Variants in PLCB4 observed in about 807,000 individuals in gnomAD.
The protein encoded by PLCB4 is 1-phosphatidylinositol 4,5-bisphosphate phosphodiesterase beta-4.
Under a neutral mutation model 178.8 loss-of-function variants are expected in PLCB4, and 77 were observed. The ratio of observed to expected loss-of-function variants is 0.43; its 90% confidence interval spans 0.36 to 0.52. The LOEUF is 0.52. PLCB4 is among the 20% of genes least tolerant of loss of function. The pLI is 0.00. For missense variants in PLCB4, 1,024 were observed against 1,453.4 expected, an observed-to-expected ratio of 0.70 and a Z score of 4.80; for synonymous variants, 496 against 490.8, an observed-to-expected ratio of 1.01 and a Z score of -0.14.
chr20:9,132,003 T>G (rs927268114), intron 2 of PLCB4, among the ~76,000 whole-genome samples: 1 of 152,174 alleles, frequency 6.6e-6, no homozygotes, highest in Non-Finnish European at 1.5e-5. Flanking sequence ...CCCAACTGAC[T>G]GCAGTCTATT....
rs1206653289 is a variant in PLCB4, at chr20:9,337,164, G to A, written c.123G>A (p.Val41=). 5.0e-6 allele frequency: 8 copies of A among 1,613,228 alleles called. No homozygotes were observed. The highest frequency in any genetic ancestry group is 5.1e-6 in the Non-Finnish European group (6 of 1,179,464). Residue 41 remains valine, a synonymous_variant, in exon 5 of 40, where the codon GTG becomes GTA. Coordinates refer to ENST00000378473, the MANE Select transcript of PLCB4 (RefSeq NM_001377142.1). ...FVFEPNCLFK[V]DEFGFFLTWR... is the part of the protein sequence containing the mutation. Reference sequence around the variant, plus strand: ...TTGAACCCAACTGCCTCTTCAAAGTGGATGAGTTTGGCTTCTTTCTGACAT... The same window carrying A: ...TTGAACCCAACTGCCTCTTCAAAGTAGATGAGTTTGGCTTCTTTCTGACAT...
intron 7 of PLCB4, among the ~76,000 whole-genome samples, chr20:9,343,001 T>C (rs112217330): frequency 5.3e-5 from 8 of 152,242 alleles, no homozygotes; most frequent in East Asian, 1.9e-4. Context: ...ATGGTAGACA[T>C]GTAAGGTGAG....
At chr20:9,169,200 C>T (rs1225425214) in intron 2 of PLCB4, among the ~76,000 whole-genome samples, 1 of 152,140 alleles carries the variant, frequency 6.6e-6, no homozygotes, top group Non-Finnish European at 1.5e-5. Flanking sequence ...CTGCTTCCTT[C>T]CTCTCACTTA....
intron 2 of PLCB4, among the ~76,000 whole-genome samples, chr20:9,174,787 T>C (rs1259191183): frequency 6.6e-6 from 1 of 152,170 alleles, no homozygotes; most frequent in Non-Finnish European, 1.5e-5. Context: ...CAGCAGAACA[T>C]AGTGTAATAT....
chr20:9,245,642 C>G (rs1173659988), intron 3 of PLCB4, among the ~76,000 whole-genome samples: 1 of 152,042 alleles, frequency 6.6e-6, no homozygotes, highest in Admixed American at 6.5e-5. Flanking sequence ...GAAATGGAGT[C>G]TCCCCCTAGA....
intron 4 of PLCB4, among the ~76,000 whole-genome samples, chr20:9,331,784 A>G (rs1468584075): frequency 6.6e-6 from 1 of 152,190 alleles, no homozygotes; most frequent in Non-Finnish European, 1.5e-5. Context: ...AACATACTCT[A>G]TCTTTGATAA....
intron 2 of PLCB4, among the ~76,000 whole-genome samples, chr20:9,201,167 T>C (rs2093539663): frequency 1.3e-5 from 2 of 152,220 alleles, no homozygotes; most frequent in African/African-American, 4.8e-5. Flanking sequence ...AGATCATTAT[T>C]ATGCAATTAT....
intron 2 of PLCB4, among the ~76,000 whole-genome samples, chr20:9,135,912 G>T (rs1271023033): frequency 6.6e-6 from 1 of 151,998 alleles, no homozygotes; most frequent in African/African-American, 2.4e-5. Flanking sequence ...TTTTAGGTTG[G>T]ACAAGAAACT....
intron 25 of PLCB4, among the ~76,000 whole-genome samples, chr20:9,414,315 A>G (rs1215633595): frequency 2.0e-5 from 3 of 152,180 alleles, no homozygotes; most frequent in Non-Finnish European, 4.4e-5. Flanking sequence ...GTGACAGGGA[A>G]AAGAGAAGAA....
intron 36 of PLCB4, among the ~76,000 whole-genome samples, chr20:9,470,418 T>G (rs776343754): frequency 2.4e-4 from 37 of 152,120 alleles, no homozygotes; most frequent in Non-Finnish European, 5.0e-4. Flanking sequence ...TACATGGAAA[T>G]GACACCTTCT....
intron 22 of PLCB4, 51 bp from the exon 23 acceptor site, chr20:9,408,582 T>G: frequency 1.2e-6 from 1 of 857,894 alleles, no homozygotes; most frequent in Non-Finnish European, 2.0e-6. Context: ...TGTTTTTCGG[T>G]GAGGGTTTGA....
At chr20:9,314,335 G>A (rs536632783) in intron 4 of PLCB4, among the ~76,000 whole-genome samples, 1 of 152,308 alleles carries the variant, frequency 6.6e-6, no homozygotes, top group South Asian at 2.1e-4. Flanking sequence ...GGTCTGGAGG[G>A]TAGTGTTGGG....
At chr20:9,312,223 G>C (rs1401292705) in intron 4 of PLCB4, among the ~76,000 whole-genome samples, 1 of 151,898 alleles carries the variant, frequency 6.6e-6, no homozygotes, top group Non-Finnish European at 1.5e-5. Flanking sequence ...ATAAATCCCA[G>C]CTCGGGCTAC....
intron 2 of PLCB4, among the ~76,000 whole-genome samples, chr20:9,127,298 A>G (rs530111762): frequency 6.6e-6 from 1 of 152,254 alleles, no homozygotes; most frequent in South Asian, 2.1e-4. Flanking sequence ...TCTTGGTTCA[A>G]GGAACACGCC....
Position 9,409,105 on chromosome 20 carries a change from C to G in PLCB4, c.1923C>G (p.Val641=). The G allele has an allele frequency of 6.2e-7, 1 of 1,607,654 alleles. No individual in the cohort carries two copies. Among genetic ancestry groups the G allele is most frequent in the African/African-American group, 1.3e-5 (1 of 74,416 alleles). Residue 641 remains valine (V), a synonymous_variant, in exon 24 of 40, where the codon GTC becomes GTG. Transcript: ENST00000378473. ...GCATTTACCCCAAGGGAGGCCGAGT[C>G]GATTCCAGTAATTACATGCCTCAGA... is the stretch of plus-strand genomic sequence containing the variant. The part of the protein sequence containing the change: ...MSRIYPKGGR[V]DSSNYMPQIF...
chr20:9,104,371 T>C (rs2091286605), intron 2 of PLCB4, among the ~76,000 whole-genome samples: 1 of 152,126 alleles, frequency 6.6e-6, no homozygotes, highest in Non-Finnish European at 1.5e-5. Context: ...TTCTGCTGGA[T>C]TATAGTCAAG....
At chr20:9,085,093 A>G (rs2090344545) in intron 1 of PLCB4, among the ~76,000 whole-genome samples, 1 of 150,852 alleles carries the variant, frequency 6.6e-6, no homozygotes, top group South Asian at 2.1e-4. Context: ...TTCTTTTTCC[A>G]ATATTATTAC....
chr20:9,372,290 T>G lies in PLCB4; in HGVS notation c.586-13T>G. The G allele has an allele frequency of 6.9e-7, 1 of 1,445,348 alleles. No individual in the cohort carries two copies. The highest frequency in any genetic ancestry group is 9.7e-7 in the Non-Finnish European group (1 of 1,030,820). The allele number at this position is 1,445,348 out of a possible 1,614,324, so 89.5% of individuals were successfully genotyped here. ...CGGTTCTGTGATTCATAACATGATT[T>G]TATTCCTTACAGAATGATGAAATTG... On this transcript the variant is annotated splice_polypyrimidine_tract_variant and intron_variant, in intron 10 of 39. Coordinates refer to ENST00000378473, the MANE Select transcript of PLCB4 (RefSeq NM_001377142.1).
At chr20:9,418,053 C>T (rs551856510) in intron 25 of PLCB4, among the ~76,000 whole-genome samples, 1 of 151,964 alleles carries the variant, frequency 6.6e-6, no homozygotes, top group Non-Finnish European at 1.5e-5. Context: ...ATGAGTTATT[C>T]TTTATGTATT....
Sources: gnomAD v4.1 joint callset for allele counts (sites outside exome capture counted in the v4.1 genomes callset) on GRCh38, gnomAD v4.1.1 for gene constraint, MANE v1.5 for transcripts, NCBI Gene and HGNC (gene_info 2026-07-23, HGNC 2026-07-21) for gene names.